The following PRUNE2 variants were observed in gnomAD, a reference collection of about 807,000 sequenced individuals.
PRUNE2 encodes protein prune homolog 2.
A neutral mutation model predicts 252.0 loss-of-function variants in PRUNE2; 164 were observed. The observed-to-expected ratio is 0.65, with a 90% confidence interval of 0.57 to 0.74. The LOEUF (loss-of-function observed/expected upper bound fraction) is 0.74. PRUNE2 is among the 30% of genes least tolerant of loss of function. PRUNE2 has a pLI of 0.00. For synonymous variants in PRUNE2, 1,292 were observed against 1,350.2 expected, an observed-to-expected ratio of 0.96 and a Z score of 0.94; for missense variants, 3,495 against 3,711.0, an observed-to-expected ratio of 0.94 and a Z score of 1.51.
At chr9:76,905,540 C>G (rs1321029598) in intron 1 of PRUNE2, among the ~76,000 whole-genome samples, 3 of 152,208 alleles carry the variant, frequency 2.0e-5, no homozygotes, top group Non-Finnish European at 4.4e-5. Flanking sequence ...TTCTAAGGGT[C>G]TCTTTTTTTC....
At chr9:76,886,023 CAA>C (rs535220781) in intron 1 of PRUNE2, among the ~76,000 whole-genome samples, 1 of 137,114 alleles carries the variant, frequency 7.3e-6, no homozygotes. Flanking sequence ...ACTAAAAATA[CAA>C]AAAAAAAAAA....
rs745771022 is a variant in PRUNE2 at position 76,709,217 on chromosome 9, A to G, written c.3057T>C (p.Ser1019=). 1.4e-6 allele frequency: 1 copy of G among 721,012 alleles called. No homozygotes were observed. The highest frequency in any genetic ancestry group is 2.1e-5 in the African/African-American group (1 of 48,304). The allele number at this position is 721,012 out of a possible 1,614,324, so 44.7% of individuals were successfully genotyped here. Residue 1019 remains serine, a synonymous_variant, in exon 8 of 19, where the codon TCT becomes TCC. Coordinates refer to ENST00000376718, the MANE Select transcript of PRUNE2 (RefSeq NM_015225.3). The part of the protein sequence containing the change: ...DIPPQSLQQS[S]RNRISSGPGN... ...CAGGACCTGAACTGATTCGATTTCG[A>G]GATGACTGTTGCAGTGACTGAGGAG...
intron 9 of PRUNE2, among the ~76,000 whole-genome samples, chr9:76,693,413 G>A (rs917264054): frequency 1.3e-4 from 19 of 150,378 alleles, no homozygotes; most frequent in East Asian, 8.0e-4. Flanking sequence ...ACCAGGGTAG[G>A]TGCTTAAGAG....
intron 4 of PRUNE2, among the ~76,000 whole-genome samples, chr9:76,833,038 T>G (rs1258174644): frequency 6.6e-6 from 1 of 152,076 alleles, no homozygotes; most frequent in Non-Finnish European, 1.5e-5. Context: ...AGTCCATAAT[T>G]CCAAATATTT....
intron 4 of PRUNE2, among the ~76,000 whole-genome samples, chr9:76,836,139 TC>T (rs2058950235): frequency 6.6e-6 from 1 of 151,748 alleles, no homozygotes; most frequent in Non-Finnish European, 1.5e-5. Flanking sequence ...ACGCATACAA[TC>T]CCCAATGTGA....
chr9:76,695,974 T>C (rs1343816785), intron 9 of PRUNE2, among the ~76,000 whole-genome samples: 3 of 152,112 alleles, frequency 2.0e-5, no homozygotes, highest in Non-Finnish European at 2.9e-5. Context: ...ACACTGGCAG[T>C]GTTGACATTT....
intron 9 of PRUNE2, among the ~76,000 whole-genome samples, chr9:76,666,613 T>C (rs1296691352): frequency 6.6e-6 from 1 of 152,108 alleles, no homozygotes; most frequent in Non-Finnish European, 1.5e-5. Flanking sequence ...ACCTTGTCAA[T>C]CATTGGAGAT....
In PRUNE2 at chr9:76,710,550, T is replaced by C. The variant is rs957610310; in HGVS notation, c.1724A>G (p.Asp575Gly). The part of the protein sequence containing the change: ...EHDEEFVQRQ[D>G]SPRDNSERNL... ...TCTTTCAGAGTTATCTCTGGGACTGTCTTGTCTCTGGACAAACTCCTCATC... is the reference window on the plus strand; with the variant it reads ...TCTTTCAGAGTTATCTCTGGGACTGCCTTGTCTCTGGACAAACTCCTCATC... Residue 575 changes from aspartate (D) to glycine (G), a missense_variant, in exon 8 of 19, where the codon GAC (aspartate) becomes GGC (glycine). Physicochemically the swap from Asp to Gly is moderately conservative, Grantham distance 94 (BLOSUM62 -1). Transcript: ENST00000376718. 2 of 1,613,952 alleles carry C rather than the reference T, an allele frequency of 1.2e-6. No individual in the cohort carries two copies. The highest frequency in any genetic ancestry group is 1.7e-6 in the Non-Finnish European group (2 of 1,179,880).
At chr9:76,782,316 A>G (rs1265907520) in intron 6 of PRUNE2, among the ~76,000 whole-genome samples, 1 of 152,238 alleles carries the variant, frequency 6.6e-6, no homozygotes, top group African/African-American at 2.4e-5. Context: ...TGAATGAATG[A>G]AAGAATGTGC....
At chr9:76,781,374 A>G (rs1589196788) in intron 6 of PRUNE2, among the ~76,000 whole-genome samples, 1 of 152,268 alleles carries the variant, frequency 6.6e-6, no homozygotes, top group East Asian at 1.9e-4. Context: ...ACTATGACAC[A>G]TGCAGTTTCT....
chr9:76,614,739 A>T lies in PRUNE2; in HGVS notation c.9237-139T>A, dbSNP rs1828619428. On this transcript the variant is annotated intron_variant, in intron 18 of 18. Coordinates refer to ENST00000376718, the MANE Select transcript of PRUNE2 (RefSeq NM_015225.3). ...TTAAATCATGCAAGTTTCTTATAAT[A>T]GAAAAATCTGGTAAAACCCAATCCT... 6.0e-6 allele frequency: 4 copies of T among 667,594 alleles called. No individual in the cohort carries two copies. In the South Asian group the frequency reaches 8.1e-5, roughly 14 times the overall value. The allele number at this position is 667,594 out of a possible 1,614,324, so 41.4% of individuals were successfully genotyped here.
In PRUNE2 at chr9:76,826,690, A is replaced by T. The variant is rs750719484; in HGVS notation, c.551T>A (p.Ile184Asn). The change falls in exon 5 of 19, where the codon ATC becomes AAC. Residue 184 changes from isoleucine to asparagine, a missense_variant. Coordinates refer to ENST00000376718, the MANE Select transcript of PRUNE2 (RefSeq NM_015225.3). ...FKWMTMESEKISEKQEEILSI... is the reference protein window; with the variant it reads ...FKWMTMESEKNSEKQEEILSI... Reference sequence around the variant, plus strand: ...AAGAATTTCCTCCTGCTTCTCTGAGATCTTCTCTGATTCCATGGTCATCCA... The same window carrying T: ...AAGAATTTCCTCCTGCTTCTCTGAGTTCTTCTCTGATTCCATGGTCATCCA... The T allele has an allele frequency of 3.7e-6, 6 of 1,612,386 alleles. No individual in the cohort carries two copies. The highest frequency in any genetic ancestry group is 1.6e-4 in the Middle Eastern group (1 of 6,084).
intron 6 of PRUNE2, among the ~76,000 whole-genome samples, chr9:76,820,131 T>TA (rs2057951017): frequency 6.6e-6 from 1 of 152,144 alleles, no homozygotes; most frequent in Non-Finnish European, 1.5e-5. Flanking sequence ...GCAGTTATCT[T>TA]TTCCCACAGT....
intron 6 of PRUNE2, among the ~76,000 whole-genome samples, chr9:76,789,111 A>T (rs1321148780): frequency 6.6e-6 from 1 of 152,196 alleles, no homozygotes. Flanking sequence ...TGTGAAAAGT[A>T]CTTTGCATGC....
chr9:76,680,340 AAAAAAACAAAC>A (rs1406161251), intron 9 of PRUNE2, among the ~76,000 whole-genome samples: 1 of 152,158 alleles, frequency 6.6e-6, no homozygotes, highest in Non-Finnish European at 1.5e-5. Flanking sequence ...GGCTACTGTT[AAAAAAACAAAC>A]AAAAAACAAA....
At chr9:76,817,452 C>G (rs891785136) in intron 6 of PRUNE2, among the ~76,000 whole-genome samples, 1 of 152,152 alleles carries the variant, frequency 6.6e-6, no homozygotes, top group African/African-American at 2.4e-5. Context: ...ATTTTTCAGC[C>G]TCCCTCCAGT....
At chr9:76,617,225 A>G (rs1264942627) in intron 18 of PRUNE2, among the ~76,000 whole-genome samples, 2 of 152,210 alleles carry the variant, frequency 1.3e-5, no homozygotes, top group African/African-American at 4.8e-5. Context: ...CATTTTATGT[A>G]GAAAGAAGAA....
intron 1 of PRUNE2, among the ~76,000 whole-genome samples, chr9:76,905,715 G>A (rs1203444746): frequency 2.0e-5 from 3 of 152,114 alleles, no homozygotes; most frequent in Non-Finnish European, 4.4e-5. Context: ...CTTCAGCTCT[G>A]CACCTCGTCT....
chr9:76,638,171 A>G lies in PRUNE2; in HGVS notation c.8831+15T>C, dbSNP rs12342405. ...AGACATTAACTCAAAGCACTTTGTCATAAGTATCACTCACAGGAAAAGATT... is the reference window on the plus strand; with the variant it reads ...AGACATTAACTCAAAGCACTTTGTCGTAAGTATCACTCACAGGAAAAGATT... On this transcript the variant is annotated intron_variant, in intron 13 of 18. Coordinates refer to ENST00000376718, the MANE Select transcript of PRUNE2 (RefSeq NM_015225.3). 1.9e-3 allele frequency: 2,996 copies of G among 1,554,026 alleles called. 44 individuals are homozygous for G. The African/African-American group carries it at 0.035, about 18-fold the overall frequency.
Sources: allele counts gnomAD v4.1 joint callset (sites outside exome capture counted in the v4.1 genomes callset), GRCh38; gene constraint gnomAD v4.1.1; transcripts MANE v1.5; gene names NCBI Gene and HGNC (gene_info 2026-07-23, HGNC 2026-07-21).